The following ADGRA1 variants were observed in gnomAD, a reference collection of about 807,000 sequenced individuals.
ADGRA1 encodes G-protein coupled receptor 123.
Under a neutral mutation model 21.3 loss-of-function variants are expected in ADGRA1, and 12 were observed. The ratio of observed to expected loss-of-function variants is 0.56; its 90% CI spans 0.36 to 0.91. ADGRA1 has a LOEUF of 0.91. Ranked by LOEUF, ADGRA1 falls within the 40% of genes least tolerant of loss-of-function variation. The probability of loss-of-function intolerance (pLI) is 0.01; values close to 1 mark genes in which losing one functional copy is unlikely to be tolerated. For synonymous variants in ADGRA1, 385 were observed against 368.8 expected (o/e 1.04, Z -0.50); for missense variants, 790 against 805.6 (o/e 0.98, Z 0.23).
intron 5 of ADGRA1, among the ~76,000 whole-genome samples, chr10:133,107,157 C>A (rs1851909033): frequency 6.6e-6 from 1 of 152,306 alleles, no homozygotes; most frequent in African/African-American, 2.4e-5. Context: ...TGTTTGTGAA[C>A]AAAACACAAC....
At chr10:133,102,555 G>T in intron 4 of ADGRA1, 142 bp from the exon 5 acceptor site, 2 of 947,252 alleles carry the variant, frequency 2.1e-6, no homozygotes, top group Non-Finnish European at 3.2e-6. Context: ...CGGCTGTGGG[G>T]CGGCCGCTGC....
chr10:133,115,688 G>A (rs898975303), intron 5 of ADGRA1, among the ~76,000 whole-genome samples: 1 of 152,132 alleles, frequency 6.6e-6, no homozygotes, highest in African/African-American at 2.4e-5. Context: ...GGCCGATGGC[G>A]TTGTCACCCC....
At chr10:133,094,817 C>T (rs112202831) in intron 2 of ADGRA1, among the ~76,000 whole-genome samples, 2,097 of 152,264 alleles carry the variant, frequency 0.014, 18 homozygotes, top group African/African-American at 0.021. Context: ...GAATCTGGGG[C>T]GTCGCTCACG....
In ADGRA1 at chr10:133,111,237, C is replaced by G. The variant is rs1372835759; in HGVS notation, c.401+8395C>G. 8.3e-4 allele frequency among the ~76,000 whole-genome samples: 87 copies of G among 104,950 alleles called. 8 individuals are homozygous for G. Among genetic ancestry groups the G allele is most frequent in the East Asian group, 2.8e-3 (5 of 1,762 alleles). The allele number at this position is 104,950 out of a possible 152,430, so 68.9% of individuals were successfully genotyped here. A position where few individuals can be genotyped will look rare whatever the true frequency, so the allele number is the denominator to read the frequency against. On this transcript the variant is annotated intron_variant, in intron 5 of 6. Coordinates refer to ENST00000392607, the MANE Select transcript of ADGRA1 (RefSeq NM_001083909.3). ...CCACCACAGGCACCTCCCTCCTAAT[C>G]CCACCAGACAACCTGCCCACCACAG... is the stretch of plus-strand genomic sequence containing the variant.
intron 5 of ADGRA1, among the ~76,000 whole-genome samples, chr10:133,118,251 G>A (rs564966276): frequency 2.4e-4 from 36 of 152,114 alleles, no homozygotes; most frequent in South Asian, 1.7e-3. Context: ...CTCAGGTCAC[G>A]GTGCCCACAG....
intron 2 of ADGRA1, among the ~76,000 whole-genome samples, chr10:133,092,188 G>A (rs1851606553): frequency 6.6e-6 from 1 of 152,252 alleles, no homozygotes; most frequent in South Asian, 2.1e-4. Flanking sequence ...AGGATGGTCG[G>A]TCGCGCGTAC....
chr10:133,091,928 G>A (rs1851602330), intron 2 of ADGRA1, among the ~76,000 whole-genome samples: 1 of 152,236 alleles, frequency 6.6e-6, no homozygotes, highest in African/African-American at 2.4e-5. Context: ...CTCGGAGGCC[G>A]AGAGTGAGGA....
chr10:133,102,107 A>G, intron 4 of ADGRA1: 1 of 418,330 alleles, frequency 2.4e-6, no homozygotes, highest in Non-Finnish European at 4.9e-6. Context: ...AAGCAAACGC[A>G]GGAAGTTTCC....
At chr10:133,088,174 A>C in intron 1 of ADGRA1, 36 bp downstream of exon 1, 16 of 891,584 alleles carry the variant, frequency 1.8e-5, no homozygotes, top group East Asian at 1.2e-4. Flanking sequence ...GGCGGGAGGG[A>C]CGCGCGGGGC....
At chr10:133,123,992 T>C (rs1416619994) in intron 5 of ADGRA1, among the ~76,000 whole-genome samples, 1 of 152,160 alleles carries the variant, frequency 6.6e-6, no homozygotes, top group Non-Finnish European at 1.5e-5. Context: ...TCTGGGGGTG[T>C]TACTCAGCCG....
At chr10:133,113,420 C>A (rs535937995) in intron 5 of ADGRA1, among the ~76,000 whole-genome samples, 2 of 152,362 alleles carry the variant, frequency 1.3e-5, no homozygotes, top group Non-Finnish European at 2.9e-5. Context: ...CTTGACCCCA[C>A]CCCATGGATG....
In ADGRA1 at chr10:133,100,824, G is replaced by A. The variant is rs201260169; in HGVS notation, c.256-1873G>A. ...GTGAAGCCGCGTTCCAGAACAGGAC[G>A]CAAGTGTGGAAAATGAACCGTGGGA... On this transcript the variant is annotated intron_variant, in intron 4 of 6. Coordinates refer to ENST00000392607, the MANE Select transcript of ADGRA1 (RefSeq NM_001083909.3). 3.8e-4 allele frequency among the ~76,000 whole-genome samples: 58 copies of A among 152,312 alleles called. No individual in the cohort carries two copies. The East Asian group carries it at 8.1e-3, about 21-fold the overall frequency.
intron 5 of ADGRA1, among the ~76,000 whole-genome samples, chr10:133,107,048 T>C (rs1027402484): frequency 4.6e-5 from 7 of 152,268 alleles, no homozygotes; most frequent in Non-Finnish European, 4.4e-5. Flanking sequence ...TGTACACATC[T>C]TGCACCTCCT....
At chr10:133,125,045 T>A (rs1262020914) in intron 5 of ADGRA1, among the ~76,000 whole-genome samples, 1 of 152,252 alleles carries the variant, frequency 6.6e-6, no homozygotes, top group Non-Finnish European at 1.5e-5. Flanking sequence ...CCCCTCTATC[T>A]CCCTGTCTTA....
chr10:133,129,621 C>CGTTCACACCCCTGCCCCTTCCTTGT lies in ADGRA1; in HGVS notation c.*112_*136dup, dbSNP rs1852472100. The CGTTCACACCCCTGCCCCTTCCTTGT allele has an allele frequency of 1.1e-5, 8 of 749,128 alleles. No individual in the cohort carries two copies. Among genetic ancestry groups the CGTTCACACCCCTGCCCCTTCCTTGT allele is most frequent in the African/African-American group, 2.5e-5 (1 of 39,884 alleles). 46.4% of individuals were successfully genotyped at this position (749,128 alleles called of 1,614,324 possible). On this transcript the variant is annotated 3_prime_UTR_variant, in exon 7 of 7. Coordinates refer to ENST00000392607, the MANE Select transcript of ADGRA1 (RefSeq NM_001083909.3). ...CGAAGTGACCCCGCCTTTCAGAAGC[C>CGTTCACACCCCTGCCCCTTCCTTGT]GTTCACACCCCTGCCCCTTCCTTGT... is the stretch of plus-strand genomic sequence containing the variant.
intron 5 of ADGRA1, among the ~76,000 whole-genome samples, chr10:133,124,513 G>A (rs1276841249): frequency 6.6e-6 from 1 of 152,248 alleles, no homozygotes; most frequent in African/African-American, 2.4e-5. Flanking sequence ...CCTGGCGTGC[G>A]AGCCGCTGCC....
chr10:133,109,505 C>A (rs1399399756), intron 5 of ADGRA1, among the ~76,000 whole-genome samples: 1 of 152,178 alleles, frequency 6.6e-6, no homozygotes, highest in African/African-American at 2.4e-5. Flanking sequence ...CCTGGCCTCA[C>A]CTGCCCTTTG....
chr10:133,129,343 G>A lies in ADGRA1; in HGVS notation c.1515G>A (p.Ala505=), dbSNP rs769166644. The change falls in exon 7 of 7, where the codon GCG becomes GCA. Residue 505 remains alanine (A), a synonymous_variant. Transcript: ENST00000392607. ...SCPTQPGREA[A]LGPGHLEMLR... ...CCACGCAGCCGGGCAGGGAGGCAGCGCTCGGGCCCGGCCACTTGGAGATGC... is the reference window on the plus strand; with the variant it reads ...CCACGCAGCCGGGCAGGGAGGCAGCACTCGGGCCCGGCCACTTGGAGATGC... 81 of 1,578,634 alleles carry A rather than the reference G, an allele frequency of 5.1e-5. 2 individuals carry two copies. The highest frequency in any genetic ancestry group is 1.1e-4 in the South Asian group (10 of 87,316).
At chr10:133,097,203 C>T (rs1851704364) in intron 3 of ADGRA1, 102 bp downstream of exon 3, 1 of 1,418,398 alleles carries the variant, frequency 7.1e-7, no homozygotes, top group Non-Finnish European at 9.7e-7. Flanking sequence ...CCTCATGTAG[C>T]AAGAAGTCCT....
Sources: gnomAD v4.1 joint callset for allele counts (sites outside exome capture counted in the v4.1 genomes callset) on GRCh38, gnomAD v4.1.1 for gene constraint, MANE v1.5 for transcripts, NCBI Gene and HGNC (gene_info 2026-07-23, HGNC 2026-07-21) for gene names.